GALNTL6: variants seen among roughly 807,000 people sequenced by gnomAD.
The protein encoded by GALNTL6 is polypeptide N-acetylgalactosaminyltransferase-like 6.
In GALNTL6, 46 loss-of-function variants were observed where a neutral mutation model predicts 73.7. The observed-to-expected ratio is 0.62, with a 90% CI of 0.49 to 0.80. GALNTL6 has a LOEUF of 0.80. Among genes scored for constraint, GALNTL6 ranks in the 30% least tolerant of loss-of-function variants. GALNTL6 has a pLI of 0.00. For synonymous variants in GALNTL6, 259 were observed against 263.7 expected, an observed-to-expected ratio of 0.98 and a Z score of 0.17; for missense variants, 604 against 755.0, an observed-to-expected ratio of 0.80 and a Z score of 2.34.
rs5864170 is a variant in GALNTL6, at chr4:172,809,912, T to TACACACACACACAC, written c.739+392_739+405dup. Among the ~76,000 whole-genome samples the TACACACACACACAC allele has an allele frequency of 2.1e-4, 29 of 141,146 alleles. No homozygotes were observed. Among genetic ancestry groups the TACACACACACACAC allele is most frequent in the African/African-American group, 7.3e-4 (28 of 38,348 alleles). The allele number at this position is 141,146 out of a possible 152,430, so 92.6% of individuals were successfully genotyped here. A position where few individuals can be genotyped will look rare whatever the true frequency, so the allele number is the denominator to read the frequency against. ...TCCTGTAGCTACAGCAAGATTAAAATACACACACACACACACACACACACA... is the reference window on the plus strand; with the variant it reads ...TCCTGTAGCTACAGCAAGATTAAAATACACACACACACACACACACACACACACACACACACACA... On this transcript the variant is annotated intron_variant, in intron 6 of 12. Coordinates refer to ENST00000506823, the MANE Select transcript of GALNTL6 (RefSeq NM_001034845.3). This position sits in a 1 kb window ranked among gnomAD's most constrained non-coding sequence, Gnocchi z 4.4.
intron 12 of GALNTL6, among the ~76,000 whole-genome samples, chr4:173,038,386 G>A (rs1753779567): frequency 6.6e-6 from 1 of 152,196 alleles, no homozygotes; most frequent in Admixed American, 6.5e-5. Flanking sequence ...GGCTGGCGGA[G>A]TGAGCTGCAG....
chr4:172,737,117 T>C (rs1028296618), intron 5 of GALNTL6, among the ~76,000 whole-genome samples: 1 of 152,344 alleles, frequency 6.6e-6, no homozygotes, highest in Non-Finnish European at 1.5e-5. Flanking sequence ...CTGTTCGGTG[T>C]TTAAGAACTA....
At chr4:172,816,223 C>T (rs1266164648) in intron 7 of GALNTL6, among the ~76,000 whole-genome samples, 1 of 152,214 alleles carries the variant, frequency 6.6e-6, no homozygotes, top group Non-Finnish European at 1.5e-5. Flanking sequence ...GCAAACGTAT[C>T]TCAAACCCCA....
chr4:172,522,795 ATTAT>A (rs1182005889), intron 5 of GALNTL6, among the ~76,000 whole-genome samples: 2 of 151,788 alleles, frequency 1.3e-5, no homozygotes, highest in African/African-American at 4.8e-5. Context: ...AATTCATTGC[ATTAT>A]TTGACTTTTC....
intron 3 of GALNTL6, among the ~76,000 whole-genome samples, chr4:172,276,710 A>G (rs1738844187): frequency 6.6e-6 from 1 of 152,046 alleles, no homozygotes; most frequent in Non-Finnish European, 1.5e-5. Flanking sequence ...GTGTTACACT[A>G]TATGCTGATT....
chr4:172,551,785 C>T (rs1465526925), intron 5 of GALNTL6, among the ~76,000 whole-genome samples: 1 of 152,052 alleles, frequency 6.6e-6, no homozygotes, highest in Admixed American at 6.6e-5. Context: ...AAAACGCCTA[C>T]AGAACTGAGG....
At chr4:172,245,030 A>G (rs1038715706) in intron 3 of GALNTL6, among the ~76,000 whole-genome samples, 1 of 152,158 alleles carries the variant, frequency 6.6e-6, no homozygotes, top group Non-Finnish European at 1.5e-5. Flanking sequence ...CTGAAGGAAC[A>G]CGGTATCTGG....
intron 2 of GALNTL6, among the ~76,000 whole-genome samples, chr4:171,861,002 C>G (rs1025077481): frequency 6.6e-6 from 1 of 152,154 alleles, no homozygotes; most frequent in Admixed American, 6.5e-5. Context: ...CAGTATCACT[C>G]TGTACCTGTT....
At chr4:171,987,917 A>G (rs146496118) in intron 2 of GALNTL6, among the ~76,000 whole-genome samples, 3,176 of 152,254 alleles carry the variant, frequency 0.021, 98 homozygotes, top group African/African-American at 0.072. Context: ...AGTCGGGATT[A>G]AAGTCCAGGC....
intron 7 of GALNTL6, among the ~76,000 whole-genome samples, chr4:172,880,921 G>T (rs948267260): frequency 3.3e-5 from 5 of 152,078 alleles, no homozygotes; most frequent in African/African-American, 1.2e-4. Flanking sequence ...CTGACAATTT[G>T]TAATAAAAAC....
At chr4:172,496,761 C>T (rs1055103607) in intron 5 of GALNTL6, among the ~76,000 whole-genome samples, 6 of 151,980 alleles carry the variant, frequency 3.9e-5, no homozygotes, top group Non-Finnish European at 5.9e-5. Flanking sequence ...AATGTAGTAG[C>T]GATACTGGTG....
intron 2 of GALNTL6, among the ~76,000 whole-genome samples, chr4:172,110,164 A>G (rs1469356029): frequency 6.6e-6 from 1 of 152,172 alleles, no homozygotes; most frequent in Non-Finnish European, 1.5e-5. Context: ...GCTTATAAAA[A>G]TATAAAACCT....
At chr4:172,419,511 G>T (rs1356160599) in intron 5 of GALNTL6, among the ~76,000 whole-genome samples, 2 of 152,130 alleles carry the variant, frequency 1.3e-5, no homozygotes, top group African/African-American at 2.4e-5. Context: ...TTAGCATAGT[G>T]TGAGGCACTT....
intron 5 of GALNTL6, among the ~76,000 whole-genome samples, chr4:172,386,020 C>T (rs1431560117): frequency 2.6e-5 from 4 of 151,930 alleles, no homozygotes; most frequent in Admixed American, 6.6e-5. Flanking sequence ...CAAAAATTTG[C>T]TATAAAAGAG....
chr4:172,257,333 C>T (rs1738114539), intron 3 of GALNTL6, among the ~76,000 whole-genome samples: 1 of 151,364 alleles, frequency 6.6e-6, no homozygotes, highest in Admixed American at 6.6e-5. Context: ...TACGGTCCTA[C>T]TCAATTTTTA....
At chr4:173,031,280 T>C (rs1050313112) in intron 12 of GALNTL6, among the ~76,000 whole-genome samples, 1 of 152,258 alleles carries the variant, frequency 6.6e-6, no homozygotes, top group African/African-American at 2.4e-5. Context: ...TGTTAGCCGC[T>C]ACTATACCAT....
At chr4:173,001,360 A>G (rs986074733) in intron 10 of GALNTL6, among the ~76,000 whole-genome samples, 2 of 152,220 alleles carry the variant, frequency 1.3e-5, no homozygotes, top group Non-Finnish European at 2.9e-5. Flanking sequence ...ACTTTACACT[A>G]TACACAAAAT....
At chr4:172,334,744 A>T (rs1741250581) in intron 4 of GALNTL6, among the ~76,000 whole-genome samples, 1 of 152,164 alleles carries the variant, frequency 6.6e-6, no homozygotes, top group Non-Finnish European at 1.5e-5. Context: ...TGCTCAGGAT[A>T]GGACTTCCAG....
At chr4:172,961,947 A>G (rs1750077816) in intron 10 of GALNTL6, among the ~76,000 whole-genome samples, 1 of 152,238 alleles carries the variant, frequency 6.6e-6, no homozygotes, top group African/African-American at 2.4e-5. Context: ...TTGTGTGAGC[A>G]ACAAGGCTGT....
Sources: gnomAD v4.1 joint callset for allele counts (sites outside exome capture counted in the v4.1 genomes callset) on GRCh38, gnomAD v4.1.1 for gene constraint, Gnocchi (gnomAD v3.1) non-coding constraint, MANE v1.5 for transcripts, NCBI Gene and HGNC (gene_info 2026-07-23, HGNC 2026-07-21) for gene names.